The following GPC5 variants were observed in gnomAD, a reference collection of about 807,000 sequenced individuals.
The protein encoded by GPC5 is glypican 5.
In GPC5, 47 loss-of-function variants were observed where a neutral mutation model predicts 53.9. The ratio of observed to expected loss-of-function variants is 0.87; its 90% CI spans 0.69 to 1.11. The LOEUF (loss-of-function observed/expected upper bound fraction) is 1.11, where lower values mean the gene tolerates loss of function less well. Ranked by LOEUF, GPC5 falls within the 50% of genes most tolerant of loss-of-function variation. The pLI is 0.00. For synonymous variants in GPC5, 286 were observed against 263.3 expected (o/e 1.09, Z -0.84); for missense variants, 748 against 713.1 (o/e 1.05, Z -0.56).
In GPC5 at chr13:92,073,896, G is replaced by C. The variant is rs550802072; in HGVS notation, c.1402-70934G>C. Among the ~76,000 whole-genome samples, 10 of 152,276 alleles carry C rather than the reference G, an allele frequency of 6.6e-5. No homozygotes were observed. The South Asian group carries it at 2.1e-3, about 32-fold the overall frequency. ...TGGGGGCTGTTACTCCCATCCTGCT[G>C]TTCTTGTGATAGTGAGTTCTCATGA... On this transcript the variant is annotated intron_variant, in intron 6 of 7. Transcript: ENST00000377067.
chr13:92,353,587 T>A (rs2043498499), intron 7 of GPC5, among the ~76,000 whole-genome samples: 1 of 152,114 alleles, frequency 6.6e-6, no homozygotes, highest in Non-Finnish European at 1.5e-5. Flanking sequence ...TCTTTTTGAG[T>A]GGTAGATTTA....
chr13:92,433,095 C>A (rs892161098), intron 7 of GPC5, among the ~76,000 whole-genome samples: 1 of 151,972 alleles, frequency 6.6e-6, no homozygotes. Flanking sequence ...ATAGTTAATA[C>A]TAAGCATGTT....
intron 6 of GPC5, among the ~76,000 whole-genome samples, chr13:92,031,079 T>A (rs2040837479): frequency 1.3e-5 from 2 of 152,118 alleles, no homozygotes; most frequent in Admixed American, 1.3e-4. Flanking sequence ...TCTTTTCTCT[T>A]GGCTTCTATA....
At chr13:92,765,645 G>A (rs1168910854) in intron 7 of GPC5, among the ~76,000 whole-genome samples, 2 of 152,150 alleles carry the variant, frequency 1.3e-5, no homozygotes, top group African/African-American at 4.8e-5. Context: ...GACCTTGTTA[G>A]AAATGCAAAT....
At chr13:91,435,019 A>G (rs1414867519) in intron 1 of GPC5, among the ~76,000 whole-genome samples, 1 of 152,098 alleles carries the variant, frequency 6.6e-6, no homozygotes, top group Admixed American at 6.5e-5. Flanking sequence ...AACGCTTGTG[A>G]TTTTTGCACA....
At chr13:92,575,873 T>A (rs1883173737) in intron 7 of GPC5, among the ~76,000 whole-genome samples, 1 of 152,138 alleles carries the variant, frequency 6.6e-6, no homozygotes, top group African/African-American at 2.4e-5. Flanking sequence ...AGCATTCAAC[T>A]ACAAGAAAAG....
intron 5 of GPC5, among the ~76,000 whole-genome samples, chr13:91,907,235 T>G (rs2039562710): frequency 6.7e-6 from 1 of 149,186 alleles, no homozygotes; most frequent in African/African-American, 2.4e-5. Flanking sequence ...TCTAAGTCCC[T>G]CTATGCCTAC....
intron 5 of GPC5, among the ~76,000 whole-genome samples, chr13:91,809,571 T>G (rs1456450768): frequency 1.3e-5 from 2 of 152,136 alleles, no homozygotes; most frequent in East Asian, 3.8e-4. Flanking sequence ...TCAGATGAAT[T>G]TCTCAGCTAT....
chr13:91,525,779 CA>C (rs768304848), intron 2 of GPC5, among the ~76,000 whole-genome samples: 12 of 152,124 alleles, frequency 7.9e-5, no homozygotes, highest in Non-Finnish European at 1.8e-4. Context: ...GTTTTTCTAA[CA>C]ATAATGTCGC....
At chr13:91,510,964 G>A (rs374015274) in intron 2 of GPC5, among the ~76,000 whole-genome samples, 47 of 151,498 alleles carry the variant, frequency 3.1e-4, no homozygotes, top group South Asian at 6.2e-4. Flanking sequence ...ATTTTCCTTT[G>A]ATTTTTTTAT....
intron 5 of GPC5, among the ~76,000 whole-genome samples, chr13:91,810,541 CTG>C (rs2038294101): frequency 6.6e-6 from 1 of 151,766 alleles, no homozygotes; most frequent in Non-Finnish European, 1.5e-5. Context: ...TACAGTAAAA[CTG>C]TTATAATTTA....
At chr13:91,995,297 T>G (rs1163931960) in intron 6 of GPC5, 1 of 152,168 alleles carries the variant, frequency 6.6e-6, no homozygotes, top group Non-Finnish European at 1.5e-5. Context: ...TTTAAATGAC[T>G]TGACTGACTT....
chr13:91,979,536 G>A (rs967630618), intron 6 of GPC5, among the ~76,000 whole-genome samples: 4 of 152,154 alleles, frequency 2.6e-5, no homozygotes, highest in Non-Finnish European at 5.9e-5. Context: ...CAACTTTGGA[G>A]AAAGACTTAT....
chr13:92,780,529 A>AAAAC (rs1195751834), intron 7 of GPC5, among the ~76,000 whole-genome samples: 2 of 152,086 alleles, frequency 1.3e-5, no homozygotes, highest in Non-Finnish European at 2.9e-5. Flanking sequence ...CAGTTAATAA[A>AAAAC]AAACAGTATC....
rs111666968 is a variant in GPC5 at position 91,596,020 on chromosome 13, A to G, written c.326-97167A>G. Among the ~76,000 whole-genome samples the G allele has an allele frequency of 2.0e-4, 30 of 152,206 alleles. 1 individual carries two copies. Among genetic ancestry groups the G allele is most frequent in the African/African-American group, 7.0e-4 (29 of 41,528 alleles). ...AGTTCAAGTATTTCTTGCTTCAGGT[A>G]TTTTGAATTTTGTTATTGAGTTCAC... On this transcript the variant is annotated intron_variant, in intron 2 of 7. Coordinates refer to ENST00000377067, the MANE Select transcript of GPC5 (RefSeq NM_004466.6).
chr13:91,487,469 A>G (rs1159357256), intron 2 of GPC5, among the ~76,000 whole-genome samples: 1 of 151,890 alleles, frequency 6.6e-6, no homozygotes, highest in Non-Finnish European at 1.5e-5. Context: ...CATTTGGGGG[A>G]GGGGATAGAA....
intron 7 of GPC5, among the ~76,000 whole-genome samples, chr13:92,273,064 A>G (rs1002220215): frequency 6.6e-6 from 1 of 152,116 alleles, no homozygotes; most frequent in Admixed American, 6.5e-5. Flanking sequence ...TTTGGTGGTA[A>G]TTTACTTGAA....
chr13:92,662,633 T>C (rs1417118067), intron 7 of GPC5, among the ~76,000 whole-genome samples: 5 of 152,222 alleles, frequency 3.3e-5, no homozygotes, highest in Non-Finnish European at 7.3e-5. Context: ...ACTCAGCTAC[T>C]GGAGCTACTT....
At chr13:91,529,894 C>T (rs981980566) in intron 2 of GPC5, among the ~76,000 whole-genome samples, 1 of 152,038 alleles carries the variant, frequency 6.6e-6, no homozygotes, top group Non-Finnish European at 1.5e-5. Context: ...GACTTCAGCT[C>T]CTGGCTCTCT....
Sources: allele counts gnomAD v4.1 joint callset (sites outside exome capture counted in the v4.1 genomes callset), GRCh38; gene constraint gnomAD v4.1.1; transcripts MANE v1.5; gene names NCBI Gene and HGNC (gene_info 2026-07-23, HGNC 2026-07-21).